The following FGF14 variants were observed in gnomAD, a reference collection of about 807,000 sequenced individuals.
The protein encoded by FGF14 is fibroblast growth factor homologous factor 4.
In FGF14, 5 loss-of-function variants were observed where a neutral mutation model predicts 25.5. That is an observed-to-expected ratio of 0.20 (90% CI 0.10 to 0.41). The LOEUF (loss-of-function observed/expected upper bound fraction) is 0.41, where lower values mean the gene tolerates loss of function less well. FGF14 is among the 10% of genes least tolerant of loss of function. The pLI is 1.00. For missense variants in FGF14, 222 were observed against 320.1 expected (o/e 0.69, Z 2.34); for synonymous variants, 138 against 118.3 (o/e 1.17, Z -1.08).
Position 102,384,572 on chromosome 13 carries a change from C to A in FGF14, c.208+16899G>T, listed in dbSNP as rs537989008. ...TGTGAGTCAGTCAGAATTTTATGCC[C>A]TGCAGGAAGCCTGCCATGCCCTCCT... is the stretch of plus-strand genomic sequence containing the variant. On this transcript the variant is annotated intron_variant, in intron 1 of 4. Transcript: ENST00000376131. Among the ~76,000 whole-genome samples, 10 of 152,310 alleles carry A rather than the reference C, an allele frequency of 6.6e-5. No homozygotes were observed. The East Asian group carries it at 1.9e-3, about 29-fold the overall frequency.
intron 1 of FGF14, among the ~76,000 whole-genome samples, chr13:102,235,320 A>G (rs957629793): frequency 6.6e-6 from 1 of 152,238 alleles, no homozygotes; most frequent in African/African-American, 2.4e-5. Context: ...TAAAGTTATG[A>G]ATAATTCAGA....
At chr13:102,127,921 C>A (rs541903637) in intron 1 of FGF14, among the ~76,000 whole-genome samples, 1 of 152,336 alleles carries the variant, frequency 6.6e-6, no homozygotes, top group South Asian at 2.1e-4. Flanking sequence ...CACAAGTGAG[C>A]AGGGCTCACC....
intron 1 of FGF14, among the ~76,000 whole-genome samples, chr13:102,370,174 G>A (rs957397098): frequency 1.3e-5 from 2 of 151,484 alleles, no homozygotes; most frequent in Non-Finnish European, 2.9e-5. Flanking sequence ...TAAATTTTTT[G>A]TAGAGACAGG....
At chr13:102,281,113 G>A (rs768302000) in intron 1 of FGF14, among the ~76,000 whole-genome samples, 3 of 152,034 alleles carry the variant, frequency 2.0e-5, no homozygotes, top group Non-Finnish European at 4.4e-5. Flanking sequence ...ATTTTCACAA[G>A]GCCAAACATA....
chr13:101,956,770 A>AAAC (rs773269288), intron 1 of FGF14, among the ~76,000 whole-genome samples: 2,040 of 142,408 alleles, frequency 0.014, 48 homozygotes, highest in African/African-American at 0.048. Flanking sequence ...CACTTTACCA[A>AAAC]AAAAAAAAAA....
Position 101,982,507 on chromosome 13 carries a change from G to A in FGF14, c.209-107211C>T, listed in dbSNP as rs1000100658. On this transcript the variant is annotated intron_variant, in intron 1 of 4. Transcript: ENST00000376131. ...GCGTGCACACTCTGCCACCCTAACA[G>A]TGATGAATTAAAAGGCAACATCTTT... is the stretch of plus-strand genomic sequence containing the variant. Among the ~76,000 whole-genome samples the A allele has an allele frequency of 5.3e-5, 8 of 152,184 alleles. No homozygotes were observed. The East Asian group carries it at 1.5e-3, about 29-fold the overall frequency.
intron 3 of FGF14, among the ~76,000 whole-genome samples, chr13:101,858,148 A>G (rs2044222169): frequency 2.0e-5 from 3 of 151,898 alleles, no homozygotes; most frequent in Middle Eastern, 6.8e-3. Flanking sequence ...ATATCTGTTC[A>G]GAGCCCAGGG....
At chr13:102,043,103 C>T (rs559916042) in intron 1 of FGF14, among the ~76,000 whole-genome samples, 5 of 152,172 alleles carry the variant, frequency 3.3e-5, no homozygotes, top group Non-Finnish European at 5.9e-5. Flanking sequence ...TAGTGCTGAT[C>T]ATAAAAAGAA....
chr13:102,163,962 C>T (rs1383331299), intron 1 of FGF14, among the ~76,000 whole-genome samples: 3 of 152,220 alleles, frequency 2.0e-5, no homozygotes, highest in Middle Eastern at 3.4e-3. Flanking sequence ...ATCTGATTCC[C>T]GTTGTAGATT....
intron 1 of FGF14, among the ~76,000 whole-genome samples, chr13:102,039,573 T>A (rs1180469011): frequency 6.6e-6 from 1 of 152,162 alleles, no homozygotes; most frequent in Non-Finnish European, 1.5e-5. Flanking sequence ...TGTCTCTGCC[T>A]CTGTCATCGC....
At chr13:102,216,957 G>C (rs929122797) in intron 1 of FGF14, among the ~76,000 whole-genome samples, 1 of 152,056 alleles carries the variant, frequency 6.6e-6, no homozygotes, top group Non-Finnish European at 1.5e-5. Context: ...GTCCTCCAAG[G>C]TTCATTCATG....
intron 1 of FGF14, among the ~76,000 whole-genome samples, chr13:101,893,286 C>T (rs936927048): frequency 6.6e-6 from 1 of 152,196 alleles, no homozygotes; most frequent in Admixed American, 6.6e-5. Flanking sequence ...CCTGCTCCTG[C>T]ACCTTGAGCT....
At chr13:102,085,325 G>A (rs1014454501) in intron 1 of FGF14, among the ~76,000 whole-genome samples, 2 of 152,142 alleles carry the variant, frequency 1.3e-5, no homozygotes, top group Non-Finnish European at 2.9e-5. Context: ...CTTAATCCAA[G>A]TTCATTGAAT....
Position 101,712,703 on chromosome 13 carries a change from C to T in FGF14, c.*10128G>A, listed in dbSNP as rs2034528496. On this transcript the variant is annotated 3_prime_UTR_variant, in exon 5 of 5. Coordinates refer to ENST00000376143, the MANE Select transcript of FGF14 (RefSeq NM_004115.4). Reference sequence around the variant, plus strand: ...AACTTCTCTGATAGTCAATGAAATACTCCATGTGGTCTTTGTTGGCAGATA... The same window carrying T: ...AACTTCTCTGATAGTCAATGAAATATTCCATGTGGTCTTTGTTGGCAGATA... 1 of 152,204 alleles carries T rather than the reference C, an allele frequency of 6.6e-6. No homozygotes were observed. The highest frequency in any genetic ancestry group is 6.5e-5 in the Admixed American group (1 of 15,276). 9.4% of individuals were successfully genotyped at this position (152,204 alleles called of 1,614,324 possible). A position where few individuals can be genotyped will look rare whatever the true frequency, so the allele number is the denominator to read the frequency against.
chr13:101,863,080 TTAGA>T (rs1349628668), intron 3 of FGF14, among the ~76,000 whole-genome samples: 1 of 152,052 alleles, frequency 6.6e-6, no homozygotes, highest in African/African-American at 2.4e-5. Context: ...CCAAAAAGTG[TTAGA>T]TATTGTTTGT....
intron 3 of FGF14, among the ~76,000 whole-genome samples, chr13:101,785,637 A>G (rs2039774843): frequency 6.6e-6 from 1 of 152,120 alleles, no homozygotes; most frequent in South Asian, 2.1e-4. Flanking sequence ...TATTATCAAT[A>G]TCTATCTTTA....
chr13:102,114,239 G>C (rs116966565), intron 1 of FGF14, among the ~76,000 whole-genome samples: 135 of 152,264 alleles, frequency 8.9e-4, no homozygotes, highest in Non-Finnish European at 1.5e-3. Flanking sequence ...TTCTTTGCCT[G>C]TTTTCTAAGT....
intron 3 of FGF14, among the ~76,000 whole-genome samples, chr13:101,834,071 C>G (rs1412768458): frequency 6.6e-6 from 1 of 152,010 alleles, no homozygotes; most frequent in African/African-American, 2.4e-5. Flanking sequence ...GCAATCACCT[C>G]CAAGTGAGAC....
chr13:102,083,341 T>C (rs1442188941), intron 1 of FGF14, among the ~76,000 whole-genome samples: 1 of 152,192 alleles, frequency 6.6e-6, no homozygotes, highest in Non-Finnish European at 1.5e-5. Flanking sequence ...CTCTGACCGT[T>C]TTTTTTCTTC....
Sources: gnomAD v4.1 joint callset for allele counts (sites outside exome capture counted in the v4.1 genomes callset) on GRCh38, gnomAD v4.1.1 for gene constraint, MANE v1.5 for transcripts, NCBI Gene and HGNC (gene_info 2026-07-23, HGNC 2026-07-21) for gene names.